ANKRD11: variants seen among roughly 807,000 people sequenced by gnomAD.
The protein encoded by ANKRD11 is ankyrin repeat domain 11, also known as ankyrin repeat domain-containing protein 11.
Under a neutral mutation model 195.7 loss-of-function variants are expected in ANKRD11, and 17 were observed. The observed-to-expected ratio is 0.09, with a 90% CI of 0.06 to 0.13. The LOEUF (loss-of-function observed/expected upper bound fraction) is 0.13, where lower values mean the gene tolerates loss of function less well. Among genes scored for constraint, ANKRD11 ranks in the 10% least tolerant of loss-of-function variants. The probability of loss-of-function intolerance (pLI) is 1.00; values close to 1 mark genes in which losing one functional copy is unlikely to be tolerated. For synonymous variants in ANKRD11, 1,953 were observed against 1,528.1 expected (o/e 1.28, Z -6.49); for missense variants, 3,735 against 3,566.1 (o/e 1.05, Z -1.21).
chr16:89,376,093 A>C (rs934723524), intron 2 of ANKRD11, among the ~76,000 whole-genome samples: 6 of 152,314 alleles, frequency 3.9e-5, no homozygotes, highest in Admixed American at 2.6e-4. Context: ...TTTGTGAAAT[A>C]CCTTTTTATC....
intron 1 of ANKRD11, among the ~76,000 whole-genome samples, chr16:89,443,916 G>A (rs955629191): frequency 1.3e-5 from 2 of 152,184 alleles, no homozygotes; most frequent in East Asian, 3.9e-4. Flanking sequence ...AACTACAGCT[G>A]CCGTGCCGGG....
At chr16:89,445,035 C>A (rs1042126370) in intron 1 of ANKRD11, among the ~76,000 whole-genome samples, 6 of 152,162 alleles carry the variant, frequency 3.9e-5, no homozygotes, top group African/African-American at 1.4e-4. Context: ...GCCCTTGCAC[C>A]ACCCACCTGG....
intron 3 of ANKRD11, among the ~76,000 whole-genome samples, chr16:89,312,923 C>T (rs1422240358): frequency 6.6e-6 from 1 of 152,226 alleles, no homozygotes; most frequent in Admixed American, 6.5e-5. Context: ...ACAAAGCTAT[C>T]TTCGGGGAGG....
rs79133811 is a variant in ANKRD11, at chr16:89,442,122, C to T, written c.-144-23754G>A. Among the ~76,000 whole-genome samples, 1,329 of 152,268 alleles carry T rather than the reference C, an allele frequency of 8.7e-3. 13 individuals are homozygous for T. Among genetic ancestry groups the T allele is most frequent in the African/African-American group, 0.03 (1,258 of 41,540 alleles). On this transcript the variant is annotated intron_variant, in intron 1 of 12. Transcript: ENST00000301030. ...TGTGCACAGTGAGCAGTTGGCACAC[C>T]GATGCAGTGCACCGAGGGCCAAGGC...
In ANKRD11 at chr16:89,291,300, A is replaced by T; in HGVS notation, c.227-117T>A. 7.6e-7 allele frequency: 1 copy of T among 1,310,154 alleles called. No homozygotes were observed. The highest frequency in any genetic ancestry group is 1.5e-5 in the African/African-American group (1 of 68,570). The allele number at this position is 1,310,154 out of a possible 1,614,324, so 81.2% of individuals were successfully genotyped here. On this transcript the variant is annotated intron_variant, in intron 4 of 12. Coordinates refer to ENST00000301030, the MANE Select transcript of ANKRD11 (RefSeq NM_013275.6). This position sits in a 1 kb window ranked among gnomAD's most constrained non-coding sequence, Gnocchi z 5.3. Reference sequence around the variant, plus strand: ...GCGTCCACCTGACAGCTGACAGAGCAGAAAGGAAGGTCTGTGTATGGGGAA... The same window carrying T: ...GCGTCCACCTGACAGCTGACAGAGCTGAAAGGAAGGTCTGTGTATGGGGAA...
At chr16:89,367,837 G>C (rs1420125571) in intron 2 of ANKRD11, among the ~76,000 whole-genome samples, 2 of 152,056 alleles carry the variant, frequency 1.3e-5, no homozygotes, top group Non-Finnish European at 2.9e-5. Flanking sequence ...GCGAAACCCT[G>C]TCTCTACAAA....
At chr16:89,423,878 A>G (rs1161956217) in intron 1 of ANKRD11, among the ~76,000 whole-genome samples, 1 of 152,214 alleles carries the variant, frequency 6.6e-6, no homozygotes, top group African/African-American at 2.4e-5. Flanking sequence ...AAAATGTAGA[A>G]GAGGGGTCAG....
chr16:89,446,150 G>T (rs1264453063), intron 1 of ANKRD11, among the ~76,000 whole-genome samples: 2 of 151,726 alleles, frequency 1.3e-5, no homozygotes, highest in Non-Finnish European at 2.9e-5. Flanking sequence ...TGCATTTCAT[G>T]AAGGCAGTGG....
chr16:89,305,080 C>T lies in ANKRD11; in HGVS notation c.226+126G>A, dbSNP rs1042832575. On this transcript the variant is annotated intron_variant, in intron 4 of 12. Transcript: ENST00000301030. ...CCGCCCCTGCTGCCTCTTGCCTGGA[C>T]GGCGTGCAGGGTGCTAGAGTGCGTC... 19 of 1,412,178 alleles carry T rather than the reference C, an allele frequency of 1.3e-5. No homozygotes were observed. The East Asian group carries it at 1.6e-4, about 12-fold the overall frequency. The allele number at this position is 1,412,178 out of a possible 1,614,324, so 87.5% of individuals were successfully genotyped here.
chr16:89,288,287 G>A (rs1597476226), intron 7 of ANKRD11: 7 of 672,710 alleles, frequency 1.0e-5, no homozygotes, highest in Middle Eastern at 3.9e-4. Context: ...CACGGCTAGC[G>A]GATACGAGCC....
chr16:89,472,166 C>A (rs548365825), intron 1 of ANKRD11, among the ~76,000 whole-genome samples: 2 of 152,310 alleles, frequency 1.3e-5, no homozygotes, highest in East Asian at 3.9e-4. Context: ...TTTTCTGAGA[C>A]TGAAGCTGCT....
chr16:89,446,620 C>CA lies in ANKRD11; in HGVS notation c.-144-28253dup, dbSNP rs549689303. On this transcript the variant is annotated intron_variant, in intron 1 of 12. Transcript: ENST00000301030. ...CCCCGTCTCAAACAAAAACAAAAAC[C>CA]AAAAAAAACCCACAGACTCAATTCT... Among the ~76,000 whole-genome samples, 80 of 151,592 alleles carry CA rather than the reference C, an allele frequency of 5.3e-4. 1 individual carries two copies. In the South Asian group the frequency reaches 0.016, roughly 30 times the overall value.
chr16:89,441,767 C>CAAAAAAAAAAAAAAAAAAAAAAAAA, intron 1 of ANKRD11, among the ~76,000 whole-genome samples: 1 of 52,372 alleles, frequency 1.9e-5, no homozygotes, highest in Non-Finnish European at 3.2e-5. Context: ...ACTCCGCCTA[C>CAAAAAAAAAAAAAAAAAAAAAAAAA]AAAAAAAAAA....
At chr16:89,353,966 A>T (rs762707798) in intron 2 of ANKRD11, among the ~76,000 whole-genome samples, 2 of 152,164 alleles carry the variant, frequency 1.3e-5, no homozygotes, top group Non-Finnish European at 1.5e-5. Context: ...ATAAAGGCGG[A>T]GCTGGCTTCC....
At position 89,305,838 on chromosome 16, in the gene ANKRD11, A is replaced by C. The variant is rs377054629; in HGVS notation, c.88-494T>G. On this transcript the variant is annotated intron_variant, in intron 3 of 12. Transcript: ENST00000301030. ...ATGCGCCACTTACCTCCCACTCCGC[A>C]GACACGCACCACCTCCCACTCCGCA... Among the ~76,000 whole-genome samples the C allele has an allele frequency of 3.3e-5, 4 of 122,066 alleles. No homozygotes were observed. The East Asian group carries it at 9.3e-4, about 28-fold the overall frequency. 80.1% of individuals were successfully genotyped at this position (122,066 alleles called of 152,430 possible). A position where few individuals can be genotyped will look rare whatever the true frequency, so the allele number is the denominator to read the frequency against.
In ANKRD11 at chr16:89,279,968, G is replaced by C; in HGVS notation, c.6574C>G (p.Pro2192Ala). The C allele has an allele frequency of 6.2e-7, 1 of 1,610,676 alleles. No homozygotes were observed. Among genetic ancestry groups the C allele is most frequent in the South Asian group, 1.1e-5 (1 of 91,076 alleles). ...GGGAGCCGGGTGGAGGCCTGGTCAGGAGGCAGTGCCGGCGGCTCCTCAGCC... is the reference window on the plus strand; with the variant it reads ...GGGAGCCGGGTGGAGGCCTGGTCAGCAGGCAGTGCCGGCGGCTCCTCAGCC... ...VVAEEPPALP[P>A]DQASTRLPAE... Residue 2192 changes from proline to alanine, a missense_variant, in exon 9 of 13, where the codon CCT becomes GCT. Physicochemically the swap from Pro to Ala is conservative, Grantham distance 27. Transcript: ENST00000301030. The surrounding 1 kb of genome is among the most constrained non-coding windows in gnomAD (Gnocchi z 5.6).
In ANKRD11 at chr16:89,400,972, G is replaced by A. The variant is rs555255662; in HGVS notation, c.-60+17312C>T. On this transcript the variant is annotated intron_variant, in intron 2 of 12. Transcript: ENST00000301030. ...AGACACATCCCCCGTCTGCCCCGGG[G>A]CTGCCTGGCATGGCACCCAAGACCA... Among the ~76,000 whole-genome samples the A allele has an allele frequency of 7.2e-5, 11 of 152,288 alleles. No homozygotes were observed. The East Asian group carries it at 1.9e-3, about 27-fold the overall frequency.
At chr16:89,487,504 G>A (rs1473876510) in intron 1 of ANKRD11, among the ~76,000 whole-genome samples, 3 of 152,182 alleles carry the variant, frequency 2.0e-5, no homozygotes, top group African/African-American at 4.8e-5. Flanking sequence ...GGCCGGGCGC[G>A]GTGGCTCACG....
chr16:89,441,707 C>G (rs2043494198), intron 1 of ANKRD11, among the ~76,000 whole-genome samples: 1 of 132,712 alleles, frequency 7.5e-6, no homozygotes, highest in African/African-American at 3.0e-5. Flanking sequence ...GCGGACTATG[C>G]AGTGAGCCAA....
Sources: gnomAD v4.1 joint callset for allele counts (sites outside exome capture counted in the v4.1 genomes callset) on GRCh38, gnomAD v4.1.1 for gene constraint, Gnocchi (gnomAD v3.1) non-coding constraint, MANE v1.5 for transcripts, NCBI Gene and HGNC (gene_info 2026-07-23, HGNC 2026-07-21) for gene names.